PPA2: variants seen among roughly 807,000 people sequenced by gnomAD.
PPA2 encodes the protein inorganic pyrophosphatase 2, mitochondrial.
Under a neutral mutation model 49.5 loss-of-function variants are expected in PPA2, and 48 were observed. The ratio of observed to expected loss-of-function variants is 0.97; its 90% confidence interval spans 0.77 to 1.23. The LOEUF is 1.23. Among genes scored for constraint, PPA2 ranks in the 50% most tolerant of loss-of-function variants. The probability of loss-of-function intolerance (pLI) is 0.00; values close to 1 mark genes in which losing one functional copy is unlikely to be tolerated. For missense variants in PPA2, 429 were observed against 410.1 expected (o/e 1.05, Z -0.40); for synonymous variants, 131 against 139.9 (o/e 0.94, Z 0.45).
intron 3 of PPA2, among the ~76,000 whole-genome samples, chr4:105,451,831 A>T (rs900091682): frequency 2.6e-5 from 4 of 152,244 alleles, no homozygotes; most frequent in African/African-American, 9.6e-5. Flanking sequence ...GCTTATTTCC[A>T]ACCTGCCTTT....
chr4:105,432,523 G>A (rs1723860029), intron 6 of PPA2, among the ~76,000 whole-genome samples: 1 of 152,072 alleles, frequency 6.6e-6, no homozygotes, highest in African/African-American at 2.4e-5. Context: ...GCTATAACCT[G>A]CAAATTCTAA....
At chr4:105,371,182 T>C (rs560747357) in intron 10 of PPA2, among the ~76,000 whole-genome samples, 15 of 152,316 alleles carry the variant, frequency 9.8e-5, no homozygotes, top group African/African-American at 3.4e-4. Flanking sequence ...GCAGCTAATG[T>C]CTTGAAAGTT....
At chr4:105,407,087 A>AT (rs1307273428) in intron 7 of PPA2, 1 of 105,924 alleles carries the variant, frequency 9.4e-6, no homozygotes, top group African/African-American at 2.8e-5. Flanking sequence ...AGTGTTCCAT[A>AT]TTAAAAAAAA....
intron 1 of PPA2, among the ~76,000 whole-genome samples, chr4:105,471,312 C>G (rs1201956713): frequency 6.6e-6 from 1 of 152,094 alleles, no homozygotes; most frequent in Non-Finnish European, 1.5e-5. Context: ...ATCAGGATAC[C>G]CTTTCCCCTA....
At chr4:105,473,556 C>A in intron 1 of PPA2, 1 of 520,506 alleles carries the variant, frequency 1.9e-6, no homozygotes, top group South Asian at 1.6e-5. Context: ...GCCGGGCCGG[C>A]TAATGGCTGC....
intron 3 of PPA2, among the ~76,000 whole-genome samples, chr4:105,452,463 G>A (rs770240231): frequency 3.2e-4 from 49 of 152,134 alleles, no homozygotes; most frequent in Non-Finnish European, 5.7e-4. Flanking sequence ...CCTATCCAGC[G>A]GAGAATCTGA....
intron 7 of PPA2, among the ~76,000 whole-genome samples, chr4:105,423,878 G>T (rs1383022413): frequency 2.0e-5 from 3 of 152,068 alleles, no homozygotes; most frequent in Non-Finnish European, 4.4e-5. Context: ...CTAGTCAAAG[G>T]ATGCTTTCAA....
chr4:105,372,994 A>T (rs140292735), intron 10 of PPA2, among the ~76,000 whole-genome samples: 3 of 152,168 alleles, frequency 2.0e-5, no homozygotes, highest in Non-Finnish European at 4.4e-5. Flanking sequence ...ATAAAATTAC[A>T]ATTTTTATCT....
intron 6 of PPA2, among the ~76,000 whole-genome samples, chr4:105,426,164 T>C (rs1723497445): frequency 6.6e-6 from 1 of 152,176 alleles, no homozygotes; most frequent in Non-Finnish European, 1.5e-5. Context: ...TTTATATATA[T>C]ACATAATGAC....
intron 7 of PPA2, among the ~76,000 whole-genome samples, chr4:105,402,032 T>C (rs1722212969): frequency 6.6e-6 from 1 of 152,168 alleles, no homozygotes; most frequent in African/African-American, 2.4e-5. Flanking sequence ...AATTTATGAG[T>C]ACAAAAAAGT....
chr4:105,412,575 G>A (rs543836504), intron 7 of PPA2, among the ~76,000 whole-genome samples: 5 of 152,020 alleles, frequency 3.3e-5, no homozygotes, highest in South Asian at 2.1e-4. Flanking sequence ...GAAAATTTTC[G>A]CAATCTACCC....
At chr4:105,396,946 T>C (rs941252652) in intron 8 of PPA2, among the ~76,000 whole-genome samples, 28 of 152,140 alleles carry the variant, frequency 1.8e-4, no homozygotes, top group Non-Finnish European at 1.3e-4. Flanking sequence ...TTTTAGACTA[T>C]CCACTGTCTG....
intron 6 of PPA2, among the ~76,000 whole-genome samples, chr4:105,430,241 C>T (rs2110279449): frequency 6.6e-6 from 1 of 152,294 alleles, no homozygotes; most frequent in African/African-American, 2.4e-5. Context: ...CAAATAAATC[C>T]TGTCAGAATA....
chr4:105,420,168 C>T (rs1039370132), intron 7 of PPA2, among the ~76,000 whole-genome samples: 18 of 152,184 alleles, frequency 1.2e-4, no homozygotes, highest in Admixed American at 9.2e-4. Context: ...GATGGGGTTT[C>T]TCTACGTGGG....
chr4:105,375,651 C>A (rs918188624), intron 10 of PPA2, among the ~76,000 whole-genome samples: 4 of 152,066 alleles, frequency 2.6e-5, no homozygotes, highest in African/African-American at 9.7e-5. Context: ...GGTATCCCAG[C>A]CAGATTAACC....
intron 7 of PPA2, among the ~76,000 whole-genome samples, chr4:105,410,788 C>T (rs1450589919): frequency 2.0e-5 from 3 of 152,148 alleles, no homozygotes; most frequent in African/African-American, 7.2e-5. Flanking sequence ...GAATTTTCAA[C>T]CCAGAATTTC....
At chr4:105,391,791 C>T (rs1733932345) in intron 9 of PPA2, among the ~76,000 whole-genome samples, 1 of 151,910 alleles carries the variant, frequency 6.6e-6, no homozygotes, top group Non-Finnish European at 1.5e-5. Flanking sequence ...CGTTTTTAGG[C>T]ATAAAAATGA....
intron 5 of PPA2, among the ~76,000 whole-genome samples, chr4:105,445,906 T>C (rs1722360376): frequency 6.7e-6 from 1 of 150,114 alleles, no homozygotes; most frequent in South Asian, 2.1e-4. Flanking sequence ...TTAAAAATTA[T>C]TAACTCATAA....
chr4:105,369,528 C>T lies in PPA2; in HGVS notation c.*197G>A, dbSNP rs1477486288. ...ATGAGCCACCGTGCCTGGCCAAAAT[C>T]TTCTTTTTATATCAATAAATGTCCA... is the stretch of plus-strand genomic sequence containing the variant. On this transcript the variant is annotated 3_prime_UTR_variant, in exon 12 of 12. Transcript: ENST00000341695. 2 of 548,950 alleles carry T rather than the reference C, an allele frequency of 3.6e-6. No homozygotes were observed. The highest frequency in any genetic ancestry group is 3.9e-5 in the African/African-American group (2 of 51,816). The allele number at this position is 548,950 out of a possible 1,614,324, so 34.0% of individuals were successfully genotyped here.
Sources: allele counts gnomAD v4.1 joint callset (sites outside exome capture counted in the v4.1 genomes callset), GRCh38; gene constraint gnomAD v4.1.1; transcripts MANE v1.5; gene names NCBI Gene and HGNC (gene_info 2026-07-23, HGNC 2026-07-21).